The following CACNA1E variants were observed in gnomAD, a reference collection of about 807,000 sequenced individuals.
CACNA1E encodes the protein voltage-dependent R-type calcium channel subunit alpha-1E.
CACNA1E carries 40 observed loss-of-function variants against 259.2 expected under a neutral mutation model. The ratio of observed to expected loss-of-function variants is 0.15; its 90% confidence interval spans 0.12 to 0.20. The LOEUF (loss-of-function observed/expected upper bound fraction) is 0.20, where lower values mean the gene tolerates loss of function less well. CACNA1E is among the 10% of genes least tolerant of loss of function. The probability of loss-of-function intolerance (pLI) is 1.00; values close to 1 mark genes in which losing one functional copy is unlikely to be tolerated. For synonymous variants in CACNA1E, 1,104 were observed against 1,138.5 expected, an observed-to-expected ratio of 0.97 and a Z score of 0.61; for missense variants, 1,874 against 3,040.1, an observed-to-expected ratio of 0.62 and a Z score of 9.02.
intron 1 of CACNA1E, among the ~76,000 whole-genome samples, chr1:181,495,095 G>GAAA (rs1370717086): frequency 2.0e-5 from 3 of 152,142 alleles, no homozygotes; most frequent in Non-Finnish European, 4.4e-5. Flanking sequence ...GTCCACTTTA[G>GAAA]GTATCATTTT....
chr1:181,719,208 T>C (rs1281314921), intron 12 of CACNA1E, among the ~76,000 whole-genome samples: 4 of 152,128 alleles, frequency 2.6e-5, no homozygotes, highest in Non-Finnish European at 5.9e-5. Context: ...AATATATAAT[T>C]AAAATAAAAG....
At chr1:181,357,328 CAG>C (rs927706280) in intron 1 of CACNA1E, among the ~76,000 whole-genome samples, 2 of 152,142 alleles carry the variant, frequency 1.3e-5, no homozygotes, top group African/African-American at 2.4e-5. Flanking sequence ...TAGAAGTCCT[CAG>C]GGGGGCATTT....
Position 181,788,523 on chromosome 1 carries a change from G to T in CACNA1E, c.5787-1922G>T, listed in dbSNP as rs550152888. 4.6e-5 allele frequency among the ~76,000 whole-genome samples: 7 copies of T among 152,334 alleles called. No individual in the cohort carries two copies. In the East Asian group the frequency reaches 1.3e-3, roughly 29 times the overall value. ...AGAAAGAGTTTACAGAGTGGTAGGG[G>T]AGTTGGAGAGAAGTGTTCTGCACTC... is the stretch of plus-strand genomic sequence containing the variant. On this transcript the variant is annotated intron_variant, in intron 43 of 47. Coordinates refer to ENST00000367573, the MANE Select transcript of CACNA1E (RefSeq NM_001205293.3).
At chr1:181,362,336 G>A (rs902844462) in intron 1 of CACNA1E, among the ~76,000 whole-genome samples, 1 of 152,230 alleles carries the variant, frequency 6.6e-6, no homozygotes, top group Admixed American at 6.5e-5. Context: ...GTATGTGTGA[G>A]TCCTTTCTGC....
rs145871802 is a variant in CACNA1E, at chr1:181,571,666, A to G, written c.513-6100A>G. On this transcript the variant is annotated intron_variant, in intron 3 of 47. Transcript: ENST00000367573. ...GGCCTCCTCATCACATGGGCTGGTT[A>G]AACATCTAACATCCTTTGCTAGTGT... 2.6e-5 allele frequency among the ~76,000 whole-genome samples: 4 copies of G among 152,344 alleles called. No individual in the cohort carries two copies. The East Asian group carries it at 5.8e-4, about 22-fold the overall frequency.
intron 2 of CACNA1E, among the ~76,000 whole-genome samples, chr1:181,436,690 A>G (rs930213664): frequency 5.9e-5 from 9 of 152,214 alleles, no homozygotes; most frequent in African/African-American, 2.2e-4. Flanking sequence ...AATGGTGGTT[A>G]CAGAGGCTGG....
At chr1:181,358,795 A>G (rs995276376) in intron 1 of CACNA1E, among the ~76,000 whole-genome samples, 1 of 152,238 alleles carries the variant, frequency 6.6e-6, no homozygotes, top group African/African-American at 2.4e-5. Context: ...AGCATGCTAC[A>G]TAATGTCCCC....
chr1:181,559,872 C>A (rs1462325998), intron 3 of CACNA1E, among the ~76,000 whole-genome samples: 1 of 152,134 alleles, frequency 6.6e-6, no homozygotes, highest in African/African-American at 2.4e-5. Context: ...GAGAGGGGGT[C>A]ATCACAGAGC....
intron 3 of CACNA1E, among the ~76,000 whole-genome samples, chr1:181,543,082 A>T (rs774842907): frequency 2.0e-5 from 3 of 152,060 alleles, no homozygotes; most frequent in Non-Finnish European, 4.4e-5. Flanking sequence ...AATACTCTGT[A>T]AGAAATGTTG....
chr1:181,656,407 T>TA (rs905577031), intron 7 of CACNA1E, among the ~76,000 whole-genome samples: 3 of 151,976 alleles, frequency 2.0e-5, no homozygotes, highest in Non-Finnish European at 4.4e-5. Flanking sequence ...TTTTAAAAAG[T>TA]AAAAAAGTAA....
intron 7 of CACNA1E, among the ~76,000 whole-genome samples, chr1:181,664,779 G>A (rs1648051959): frequency 6.6e-6 from 1 of 152,060 alleles, no homozygotes; most frequent in South Asian, 2.1e-4. Flanking sequence ...GTCATAGCTG[G>A]GAGAAGCCAA....
At chr1:181,593,639 A>G (rs1159445522) in intron 6 of CACNA1E, among the ~76,000 whole-genome samples, 1 of 152,092 alleles carries the variant, frequency 6.6e-6, no homozygotes, top group African/African-American at 2.4e-5. Context: ...CTCGGGTTCA[A>G]GCGATTCTTC....
intron 18 of CACNA1E, 98 bp downstream of exon 18, chr1:181,726,260 A>G (rs773736901): frequency 9.7e-6 from 8 of 825,468 alleles, no homozygotes; most frequent in East Asian, 2.7e-5. Context: ...TACCTACTAC[A>G]TGCTGGGAAC....
At chr1:181,724,169 A>T (rs1654669658) in intron 16 of CACNA1E, among the ~76,000 whole-genome samples, 1 of 151,964 alleles carries the variant, frequency 6.6e-6, no homozygotes, top group South Asian at 2.1e-4. Flanking sequence ...CCAAATAATA[A>T]TTTTTCACAG....
At chr1:181,334,157 C>T (rs1040799027) in intron 1 of CACNA1E, among the ~76,000 whole-genome samples, 11 of 152,144 alleles carry the variant, frequency 7.2e-5, no homozygotes, top group African/African-American at 2.7e-4. Flanking sequence ...TCTTGAGATA[C>T]TTGACCTAAT....
chr1:181,352,464 A>G (rs976537726), intron 1 of CACNA1E, among the ~76,000 whole-genome samples: 11 of 152,212 alleles, frequency 7.2e-5, no homozygotes, highest in African/African-American at 2.7e-4. Flanking sequence ...TAAGCAAAGA[A>G]TATTGTTTTT....
intron 1 of CACNA1E, among the ~76,000 whole-genome samples, chr1:181,370,614 G>GT (rs1417849164): frequency 2.6e-5 from 4 of 151,922 alleles, no homozygotes; most frequent in East Asian, 1.9e-4. Flanking sequence ...ATGATTTCGT[G>GT]TTTTTTTATG....
At chr1:181,760,391 A>G (rs879451460) in intron 32 of CACNA1E, among the ~76,000 whole-genome samples, 4 of 152,172 alleles carry the variant, frequency 2.6e-5, no homozygotes, top group Admixed American at 6.5e-5. Context: ...ATTTCGTTAG[A>G]TCTTCTCAGT....
intron 3 of CACNA1E, among the ~76,000 whole-genome samples, chr1:181,555,190 T>TA (rs1254094643): frequency 1.3e-5 from 2 of 152,178 alleles, no homozygotes; most frequent in East Asian, 1.9e-4. Flanking sequence ...TTTAGATTTT[T>TA]AAAAAATATT....
Sources: allele counts gnomAD v4.1 joint callset (sites outside exome capture counted in the v4.1 genomes callset), GRCh38; gene constraint gnomAD v4.1.1; transcripts MANE v1.5; gene names NCBI Gene and HGNC (gene_info 2026-07-23, HGNC 2026-07-21).